Variants in PTPRD observed in about 807,000 individuals in gnomAD.
PTPRD encodes the protein protein tyrosine phosphatase receptor type D.
PTPRD carries 34 observed loss-of-function variants against 214.5 expected under a neutral mutation model. The ratio of observed to expected loss-of-function variants is 0.16; its 90% CI spans 0.12 to 0.21. The LOEUF (loss-of-function observed/expected upper bound fraction) is 0.21, where lower values mean the gene tolerates loss of function less well. PTPRD is among the 10% of genes least tolerant of loss of function. The pLI, the probability that PTPRD is intolerant of heterozygous loss-of-function variation, is 1.00. For synonymous variants in PTPRD, 1,128 were observed against 845.7 expected (o/e 1.33, Z -5.79); for missense variants, 2,545 against 2,398.7 (o/e 1.06, Z -1.27).
intron 9 of PTPRD, among the ~76,000 whole-genome samples, chr9:9,369,455 T>A (rs2058827106): frequency 1.3e-5 from 2 of 152,174 alleles, no homozygotes; most frequent in Non-Finnish European, 2.9e-5. Flanking sequence ...TTGGTGGGGT[T>A]GTTTGCTTTT....
intron 24 of PTPRD, among the ~76,000 whole-genome samples, 164 bp from the exon 25 acceptor site, chr9:8,500,004 C>T (rs546007003): frequency 1.4e-5 from 2 of 139,266 alleles, no homozygotes; most frequent in South Asian, 4.5e-4. Flanking sequence ...AATGCTTAAC[C>T]AATCTGCTCT....
At chr9:8,547,250 CA>C (rs1564235006) in intron 14 of PTPRD, among the ~76,000 whole-genome samples, 1 of 151,834 alleles carries the variant, frequency 6.6e-6, no homozygotes, top group Non-Finnish European at 1.5e-5. Context: ...TATGCTAAAC[CA>C]AAAACAATAA....
At chr9:8,618,856 C>G (rs559520701) in intron 14 of PTPRD, among the ~76,000 whole-genome samples, 2 of 148,362 alleles carry the variant, frequency 1.3e-5, no homozygotes, top group East Asian at 4.0e-4. Context: ...GCCACCACAC[C>G]CAGCTAATTT....
chr9:9,410,800 T>G (rs2075145176), intron 8 of PTPRD, among the ~76,000 whole-genome samples: 1 of 152,194 alleles, frequency 6.6e-6, no homozygotes, highest in Admixed American at 6.5e-5. Context: ...TATTGCCACA[T>G]GTCATGGGCT....
chr9:10,490,792 A>T (rs2039946988), intron 2 of PTPRD, among the ~76,000 whole-genome samples: 1 of 152,114 alleles, frequency 6.6e-6, no homozygotes, highest in Admixed American at 6.6e-5. Flanking sequence ...ACTTGGCTTG[A>T]TCCTCCAGGG....
chr9:10,002,647 T>G (rs1162195622), intron 4 of PTPRD, among the ~76,000 whole-genome samples: 6 of 150,078 alleles, frequency 4.0e-5, no homozygotes, highest in Admixed American at 2.0e-4. Context: ...ATAAGAACTG[T>G]AAACACATAT....
intron 9 of PTPRD, among the ~76,000 whole-genome samples, chr9:9,388,131 T>A (rs980065327): frequency 4.6e-5 from 7 of 152,130 alleles, no homozygotes; most frequent in African/African-American, 1.4e-4. Context: ...GAAGGGAAAC[T>A]GGTTTTCCCC....
rs183272511 is a variant in PTPRD, at chr9:8,374,886, G to A, written c.4661+1050C>T. Among the ~76,000 whole-genome samples, 711 of 151,942 alleles carry A rather than the reference G, an allele frequency of 4.7e-3. 11 individuals carry two copies. Among genetic ancestry groups the A allele is most frequent in the African/African-American group, 0.016 (676 of 41,482 alleles). On this transcript the variant is annotated intron_variant, in intron 39 of 45. Transcript: ENST00000381196. ...AATTTCACTGCTTTTATTCTGATCA[G>A]CCCGTTGACCCCATTTCTAAAAAAC...
intron 8 of PTPRD, among the ~76,000 whole-genome samples, chr9:9,541,470 C>T (rs1222140177): frequency 6.6e-6 from 1 of 151,772 alleles, no homozygotes; most frequent in Non-Finnish European, 1.5e-5. Context: ...GAAACCTCAA[C>T]AAATATCATG....
chr9:9,682,070 C>T (rs567400760), intron 7 of PTPRD, among the ~76,000 whole-genome samples: 12 of 151,926 alleles, frequency 7.9e-5, no homozygotes, highest in African/African-American at 2.9e-4. Flanking sequence ...ACATAATTTG[C>T]AGAGGCTCTA....
At chr9:9,976,077 G>A (rs886480794) in intron 4 of PTPRD, among the ~76,000 whole-genome samples, 29 of 152,146 alleles carry the variant, frequency 1.9e-4, no homozygotes, top group Admixed American at 1.9e-3. Flanking sequence ...AGACATTCCA[G>A]ATGAAACATA....
chr9:8,931,440 T>C (rs1286509231), intron 11 of PTPRD, among the ~76,000 whole-genome samples: 1 of 152,170 alleles, frequency 6.6e-6, no homozygotes, highest in Non-Finnish European at 1.5e-5. Context: ...GACTTGGTAA[T>C]GCGGGCTCTT....
At chr9:10,399,851 G>A (rs1210560945) in intron 2 of PTPRD, among the ~76,000 whole-genome samples, 2 of 151,850 alleles carry the variant, frequency 1.3e-5, no homozygotes, top group Non-Finnish European at 2.9e-5. Flanking sequence ...AAGAAAAGGG[G>A]TATTTGAGCT....
chr9:9,560,564 G>A (rs1157423674), intron 8 of PTPRD, among the ~76,000 whole-genome samples: 2 of 152,170 alleles, frequency 1.3e-5, no homozygotes, highest in African/African-American at 4.8e-5. Context: ...GGGTACCACA[G>A]CCCATGCTGC....
At chr9:9,243,593 T>G (rs2099971491) in intron 9 of PTPRD, among the ~76,000 whole-genome samples, 1 of 152,118 alleles carries the variant, frequency 6.6e-6, no homozygotes, top group Admixed American at 6.6e-5. Context: ...TTCAACAATC[T>G]TCATGCTAAA....
At chr9:10,406,139 G>A (rs891604446) in intron 2 of PTPRD, among the ~76,000 whole-genome samples, 2 of 151,112 alleles carry the variant, frequency 1.3e-5, no homozygotes, top group African/African-American at 2.4e-5. Flanking sequence ...TATTTTCTCG[G>A]CTAGAGAAAT....
chr9:10,180,337 C>G (rs1022136868), intron 3 of PTPRD, among the ~76,000 whole-genome samples: 1 of 151,842 alleles, frequency 6.6e-6, no homozygotes, highest in Admixed American at 6.6e-5. Flanking sequence ...GTAAAAACAG[C>G]CCACATGATC....
intron 10 of PTPRD, among the ~76,000 whole-genome samples, chr9:9,149,469 G>C (rs559333285): frequency 1.9e-4 from 29 of 152,130 alleles, no homozygotes; most frequent in Non-Finnish European, 8.8e-5. Flanking sequence ...TTCTGGATCA[G>C]CTTCGAAAGA....
chr9:9,162,230 G>C (rs2099891000), intron 10 of PTPRD, among the ~76,000 whole-genome samples: 2 of 152,060 alleles, frequency 1.3e-5, no homozygotes, highest in African/African-American at 2.4e-5. Flanking sequence ...GTGGCAGATT[G>C]GTGCCAATAT....
Sources: allele counts gnomAD v4.1 joint callset (sites outside exome capture counted in the v4.1 genomes callset), GRCh38; gene constraint gnomAD v4.1.1; transcripts MANE v1.5; gene names NCBI Gene and HGNC (gene_info 2026-07-23, HGNC 2026-07-21).